NEK1: variants seen among roughly 807,000 people sequenced by gnomAD.
NEK1 encodes serine/threonine-protein kinase Nek1.
A neutral mutation model predicts 182.1 loss-of-function variants in NEK1; 137 were observed. That is an observed-to-expected ratio of 0.75 (90% CI 0.65 to 0.87). The LOEUF (loss-of-function observed/expected upper bound fraction) is 0.87, where lower values mean the gene tolerates loss of function less well. Ranked by LOEUF, NEK1 falls within the 40% of genes least tolerant of loss-of-function variation. The pLI, the probability that NEK1 is intolerant of heterozygous loss-of-function variation, is 0.00. For missense variants in NEK1, 1,391 were observed against 1,494.4 expected, an observed-to-expected ratio of 0.93 and a Z score of 1.14; for synonymous variants, 513 against 492.2, an observed-to-expected ratio of 1.04 and a Z score of -0.56.
chr4:169,468,884 A>G (rs1167778974), intron 26 of NEK1, among the ~76,000 whole-genome samples: 2 of 152,136 alleles, frequency 1.3e-5, no homozygotes, highest in Non-Finnish European at 2.9e-5. Context: ...TATTTCTTCT[A>G]GATTTACTAG....
chr4:169,544,113 G>A (rs1255983028), intron 18 of NEK1, among the ~76,000 whole-genome samples: 1 of 152,124 alleles, frequency 6.6e-6, no homozygotes, highest in Non-Finnish European at 1.5e-5. Flanking sequence ...TTGGCTGTGG[G>A]TTTGTCATAA....
chr4:169,608,585 T>C (rs1771782020), intron 2 of NEK1, among the ~76,000 whole-genome samples: 2 of 152,158 alleles, frequency 1.3e-5, no homozygotes, highest in African/African-American at 4.8e-5. Context: ...AGACCAATAT[T>C]TTAGCTATTA....
At chr4:169,443,667 G>A (rs538422680) in intron 27 of NEK1, among the ~76,000 whole-genome samples, 1 of 151,986 alleles carries the variant, frequency 6.6e-6, no homozygotes, top group South Asian at 2.1e-4. Flanking sequence ...TAGACATTCA[G>A]ATACAGGAAA....
intron 29 of NEK1, among the ~76,000 whole-genome samples, chr4:169,429,856 C>T (rs1737099328): frequency 2.0e-5 from 3 of 152,106 alleles, no homozygotes; most frequent in African/African-American, 7.2e-5. Context: ...TTAATTTATA[C>T]ACATTCTTTA....
chr4:169,448,084 G>A (rs1740927928), intron 27 of NEK1, among the ~76,000 whole-genome samples: 1 of 151,940 alleles, frequency 6.6e-6, no homozygotes, highest in Non-Finnish European at 1.5e-5. Context: ...CATGTGTGGT[G>A]GCTACAAGCA....
intron 2 of NEK1, among the ~76,000 whole-genome samples, chr4:169,606,975 T>C (rs1771453040): frequency 6.6e-6 from 1 of 152,174 alleles, no homozygotes; most frequent in Non-Finnish European, 1.5e-5. Context: ...AGCAGCAGTC[T>C]TGCTGAGGAG....
intron 32 of NEK1, 35 bp downstream of exon 32, chr4:169,406,561 C>A: frequency 3.4e-6 from 5 of 1,468,746 alleles, no homozygotes; most frequent in Non-Finnish European, 4.5e-6. Flanking sequence ...TTCAGAAAAT[C>A]TTTTAATGCT....
intron 27 of NEK1, among the ~76,000 whole-genome samples, chr4:169,460,849 C>G (rs555291043): frequency 6.6e-6 from 1 of 152,102 alleles, no homozygotes; most frequent in African/African-American, 2.4e-5. Flanking sequence ...GCAGCCAAAT[C>G]GACCCTCACA....
chr4:169,431,923 G>A (rs987300732), intron 29 of NEK1, among the ~76,000 whole-genome samples: 2 of 151,146 alleles, frequency 1.3e-5, no homozygotes, highest in Non-Finnish European at 2.9e-5. Context: ...CTTCAGCATG[G>A]CAAAACCACA....
intron 18 of NEK1, among the ~76,000 whole-genome samples, chr4:169,539,117 A>C (rs1758973232): frequency 6.6e-6 from 1 of 152,152 alleles, no homozygotes; most frequent in Non-Finnish European, 1.5e-5. Flanking sequence ...TGTTGCTCTC[A>C]GATGTGTCTG....
At chr4:169,425,508 C>T (rs6818768) in intron 30 of NEK1, among the ~76,000 whole-genome samples, 137,106 of 151,836 alleles carry the variant, frequency 0.9, 61,980 homozygotes, top group Middle Eastern at 0.94. Flanking sequence ...ACATATTTAG[C>T]TCCAGTTTAT....
intron 10 of NEK1, among the ~76,000 whole-genome samples, chr4:169,583,807 A>G (rs1767076917): frequency 6.6e-6 from 1 of 152,220 alleles, no homozygotes; most frequent in Admixed American, 6.5e-5. Flanking sequence ...TGCTGCTATG[A>G]CCTATACAAG....
At chr4:169,609,060 CAAAA>C (rs540854284) in intron 2 of NEK1, among the ~76,000 whole-genome samples, 4 of 82,552 alleles carry the variant, frequency 4.8e-5, no homozygotes, top group African/African-American at 7.2e-5. Context: ...GACTCCTTCT[CAAAA>C]AAAAAAAAAA....
intron 19 of NEK1, among the ~76,000 whole-genome samples, chr4:169,513,122 TTAAAAA>T (rs1754460536): frequency 6.6e-6 from 1 of 152,176 alleles, no homozygotes; most frequent in Non-Finnish European, 1.5e-5. Context: ...CCTGTCTATA[TTAAAAA>T]ATATTTTCTG....
At chr4:169,483,956 A>G (rs1748590378) in intron 23 of NEK1, among the ~76,000 whole-genome samples, 1 of 152,050 alleles carries the variant, frequency 6.6e-6, no homozygotes, top group South Asian at 2.1e-4. Flanking sequence ...GATTATATCT[A>G]AATATTTTGA....
At chr4:169,446,600 T>C (rs1740619100) in intron 27 of NEK1, among the ~76,000 whole-genome samples, 1 of 152,068 alleles carries the variant, frequency 6.6e-6, no homozygotes, top group African/African-American at 2.4e-5. Flanking sequence ...GACAGAGATA[T>C]ATGACCTTTC....
At position 169,555,716 on chromosome 4, in the gene NEK1, C is replaced by T; in HGVS notation, c.1562+4G>A. 1 of 1,613,660 alleles carries T rather than the reference C, an allele frequency of 6.2e-7. No individual in the cohort carries two copies. The highest frequency in any genetic ancestry group is 8.5e-7 in the Non-Finnish European group (1 of 1,179,708). On this transcript the variant is annotated splice_donor_region_variant and intron_variant, in intron 18 of 35. Transcript: ENST00000507142. ...GATGAATTCATGGATCATCACAGTC[C>T]AACCTGTTTGCATTGGCTTGTTTAG...
chr4:169,531,008 G>A (rs1246302378), intron 19 of NEK1, among the ~76,000 whole-genome samples: 1 of 150,904 alleles, frequency 6.6e-6, no homozygotes, highest in Non-Finnish European at 1.5e-5. Flanking sequence ...AATTATCAGT[G>A]AGATCACTCC....
At chr4:169,444,264 C>A (rs978475199) in intron 27 of NEK1, among the ~76,000 whole-genome samples, 1 of 151,988 alleles carries the variant, frequency 6.6e-6, no homozygotes, top group East Asian at 1.9e-4. Flanking sequence ...AGAGTTAAGT[C>A]CTCACCTATC....
Sources: gnomAD v4.1 joint callset for allele counts (sites outside exome capture counted in the v4.1 genomes callset) on GRCh38, gnomAD v4.1.1 for gene constraint, MANE v1.5 for transcripts, NCBI Gene and HGNC (gene_info 2026-07-23, HGNC 2026-07-21) for gene names.